Variants in GJB5 observed in about 807,000 individuals in gnomAD.
GJB5 encodes the protein gap junction protein beta 5.
For missense variants in GJB5, 333 were observed against 357.9 expected, an observed-to-expected ratio of 0.93 and a Z score of 0.56; for synonymous variants, 146 against 145.5, an observed-to-expected ratio of 1.00 and a Z score of -0.02.
rs199724435 is a variant in GJB5 at position 34,757,622 on chromosome 1, C to T, written c.292C>T (p.Arg98Trp). 280 of 1,613,936 alleles carry T rather than the reference C, an allele frequency of 1.7e-4. No homozygotes were observed. The highest frequency in any genetic ancestry group is 2.3e-4 in the Non-Finnish European group (266 of 1,180,038). ...GCTCGTGGTCATGCACGTGGCCTAC[C>T]GGGAGGTTCAGGAGAAGAGGCACCG... is the stretch of plus-strand genomic sequence containing the variant. ...SLLVVMHVAY[R>W]EVQEKRHREA... The change falls in exon 2 of 2, where the codon CGG becomes TGG. Residue 98 changes from arginine to tryptophan, a missense_variant. Transcript: ENST00000338513.
At chr1:34,755,754 G>A (rs116472011) in intron 1 of GJB5, among the ~76,000 whole-genome samples, 19 of 152,178 alleles carry the variant, frequency 1.2e-4, no homozygotes, top group African/African-American at 4.3e-4. Context: ...CTTGAGGAAA[G>A]GGTCTGAGGC....
Position 34,757,990 on chromosome 1 carries a change from G to A in GJB5, c.660G>A (p.Arg220=), listed in dbSNP as rs777277359. The change falls in exon 2 of 2, where the codon AGG becomes AGA. Residue 220 remains arginine, a synonymous_variant. Coordinates refer to ENST00000338513, the MANE Select transcript of GJB5 (RefSeq NM_005268.4). ...GATGCCACGAGTGCCTGGCAGCAAG[G>A]AAAGCTCAAGCCATGTGCACAGGTC... The part of the protein sequence containing the change: ...SKRCHECLAA[R]KAQAMCTGHH... 2.5e-6 allele frequency: 4 copies of A among 1,613,880 alleles called. No homozygotes were observed. Among genetic ancestry groups the A allele is most frequent in the Admixed American group, 3.3e-5 (2 of 59,990 alleles).
Position 34,757,837 on chromosome 1 carries a change from T to C in GJB5, c.507T>C (p.Cys169=), listed in dbSNP as rs1639624073. 6.2e-7 allele frequency: 1 copy of C among 1,613,830 alleles called. No homozygotes were observed. Among genetic ancestry groups the C allele is most frequent in the Non-Finnish European group, 8.5e-7 (1 of 1,180,008 alleles). Residue 169 remains cysteine, a synonymous_variant, in exon 2 of 2, where the codon TGT becomes TGC. Transcript: ENST00000338513. The stretch of plus-strand genomic sequence containing the variant: ...TGGTCAAGTGCCACGCAGATCCATG[T>C]CCCAATATAGTGGACTGCTTCATCT... The part of the protein sequence containing the change: ...PPVVKCHADP[C]PNIVDCFISK...
In GJB5 at chr1:34,758,167, T is replaced by G. The variant is rs758503859; in HGVS notation, c.*15T>G. 11 of 1,599,470 alleles carry G rather than the reference T, an allele frequency of 6.9e-6. No individual in the cohort carries two copies. Among genetic ancestry groups the G allele is most frequent in the Non-Finnish European group, 9.4e-6 (11 of 1,168,078 alleles). On this transcript the variant is annotated 3_prime_UTR_variant, in exon 2 of 2. Transcript: ENST00000338513. ...CCATCTTGTGAGGGGCTGCCTGGAC[T>G]GGTCTGGCAGGTTGGGCCTGGATGG...
In GJB5 at chr1:34,758,029, T is replaced by C; in HGVS notation, c.699T>C (p.Gly233=). 6.2e-7 allele frequency: 1 copy of C among 1,613,884 alleles called. No individual in the cohort carries two copies. Among genetic ancestry groups the C allele is most frequent in the Non-Finnish European group, 8.5e-7 (1 of 1,179,960 alleles). ...TGTGCACAGGTCATCACCCCCACGG[T>C]ACCACCTCTTCCTGCAAACAAGACG... ...QAMCTGHHPH[G]TTSSCKQDDL... The change falls in exon 2 of 2, where the codon GGT becomes GGC. Residue 233 remains glycine (G), a synonymous_variant. Transcript: ENST00000338513.
At chr1:34,757,000 G>A (rs1165901924) in intron 1 of GJB5, among the ~76,000 whole-genome samples, 1 of 152,190 alleles carries the variant, frequency 6.6e-6, no homozygotes, top group African/African-American at 2.4e-5. Context: ...AGAACCTCAA[G>A]ACCAGAGCCT....
chr1:34,756,311 T>C (rs149177234), intron 1 of GJB5, among the ~76,000 whole-genome samples: 11 of 152,282 alleles, frequency 7.2e-5, no homozygotes, highest in African/African-American at 2.6e-4. Context: ...TGTGAGTTCA[T>C]CAGGCCAAAT....
In GJB5 at chr1:34,757,641, G is replaced by T; in HGVS notation, c.311G>T (p.Arg104Met). The T allele has an allele frequency of 6.2e-7, 1 of 1,614,108 alleles. No homozygotes were observed. Among genetic ancestry groups the T allele is most frequent in the Non-Finnish European group, 8.5e-7 (1 of 1,180,034 alleles). The stretch of plus-strand genomic sequence containing the variant: ...GCCTACCGGGAGGTTCAGGAGAAGA[G>T]GCACCGAGAAGCCCATGGGGAGAAC... ...HVAYREVQEK[R>M]HREAHGENSG... The change falls in exon 2 of 2, where the codon AGG becomes ATG. Residue 104 changes from arginine to methionine, a missense_variant. Coordinates refer to ENST00000338513, the MANE Select transcript of GJB5 (RefSeq NM_005268.4).
At position 34,758,053 on chromosome 1, in the gene GJB5, C is replaced by A; in HGVS notation, c.723C>A (p.Asp241Glu). ...GTACCACCTCTTCCTGCAAACAAGA[C>A]GACCTCCTTTCGGGTGACCTCATCT... is the stretch of plus-strand genomic sequence containing the variant. ...PHGTTSSCKQ[D>E]DLLSGDLIFL... is the part of the protein sequence containing the mutation. The change falls in exon 2 of 2, where the codon GAC becomes GAA. Residue 241 changes from aspartate to glutamate, a missense_variant. Asp to Glu is a conservative substitution (Grantham distance 45, BLOSUM62 2). Transcript: ENST00000338513. 2 of 1,614,018 alleles carry A rather than the reference C, an allele frequency of 1.2e-6. No individual in the cohort carries two copies. Among genetic ancestry groups the A allele is most frequent in the Non-Finnish European group, 1.7e-6 (2 of 1,180,018 alleles).
chr1:34,757,326 C>T lies in GJB5; in HGVS notation c.-5C>T, dbSNP rs780731536. On this transcript the variant is annotated 5_prime_UTR_variant, in exon 2 of 2. Transcript: ENST00000338513. ...CTGCAGTAGCAGCTGACGCGTGGGT[C>T]CACCATGAACTGGAGTATCTTTGAG... is the stretch of plus-strand genomic sequence containing the variant. 17 of 1,598,382 alleles carry T rather than the reference C, an allele frequency of 1.1e-5. No individual in the cohort carries two copies. The highest frequency in any genetic ancestry group is 1.4e-5 in the Non-Finnish European group (16 of 1,166,520).
chr1:34,757,254 T>C, intron 1 of GJB5, 53 bp from the exon 2 acceptor site: 3 of 1,008,370 alleles, frequency 3.0e-6, no homozygotes, highest in Non-Finnish European at 4.5e-6. Context: ...TACAAAGTGC[T>C]CAGAGCAAGT....
intron 1 of GJB5, 116 bp from the exon 2 acceptor site, chr1:34,757,191 G>A: frequency 1.5e-6 from 1 of 647,010 alleles, no homozygotes; most frequent in East Asian, 2.7e-5. Flanking sequence ...GGGGACAGTA[G>A]TAGAACCCAG....
Position 34,758,155 on chromosome 1 carries a change from G to T in GJB5, c.*3G>T. The stretch of plus-strand genomic sequence containing the variant: ...ATGTGAAGAAAACCATCTTGTGAGG[G>T]GCTGCCTGGACTGGTCTGGCAGGTT... On this transcript the variant is annotated 3_prime_UTR_variant, in exon 2 of 2. Coordinates refer to ENST00000338513, the MANE Select transcript of GJB5 (RefSeq NM_005268.4). The T allele has an allele frequency of 6.2e-7, 1 of 1,611,798 alleles. No homozygotes were observed. Among genetic ancestry groups the T allele is most frequent in the Non-Finnish European group, 8.5e-7 (1 of 1,178,294 alleles).
Position 34,757,515 on chromosome 1 carries a change from A to G in GJB5, c.185A>G (p.Asn62Ser). 1.2e-6 allele frequency: 2 copies of G among 1,614,050 alleles called. No individual in the cohort carries two copies. The highest frequency in any genetic ancestry group is 1.7e-6 in the Non-Finnish European group (2 of 1,180,000). ...DCNTRQPGCS[N>S]VCFDEFFPVS... ...AATACTCGCCAGCCCGGCTGCTCCA[A>G]CGTCTGCTTTGATGAGTTCTTCCCT... Residue 62 changes from asparagine to serine, a missense_variant, in exon 2 of 2, where the codon AAC becomes AGC. Asn to Ser is a conservative substitution (Grantham distance 46). Coordinates refer to ENST00000338513, the MANE Select transcript of GJB5 (RefSeq NM_005268.4).
At position 34,757,432 on chromosome 1, in the gene GJB5, G is replaced by A. The variant is rs778302662; in HGVS notation, c.102G>A (p.Leu34=). ...CTCTGGTCTTCATCTTCCGCGTGCTGGTGTACCTGGTGACGGCCGAGCGTG... is the reference window on the plus strand; with the variant it reads ...CTCTGGTCTTCATCTTCCGCGTGCTAGTGTACCTGGTGACGGCCGAGCGTG... The part of the protein sequence containing the change: ...WLSLVFIFRV[L]VYLVTAERVW... Residue 34 remains leucine (L), a synonymous_variant, in exon 2 of 2, where the codon CTG becomes CTA. Transcript: ENST00000338513. 1.9e-6 allele frequency: 3 copies of A among 1,614,062 alleles called. No individual in the cohort carries two copies. In the African/African-American group the frequency reaches 4.0e-5, roughly 22 times the overall value.
rs113549987 is a variant in GJB5 at position 34,756,675 on chromosome 1, A to G, written c.-24-632A>G. Among the ~76,000 whole-genome samples the G allele has an allele frequency of 4.0e-3, 614 of 152,238 alleles. 1 individual carries two copies. The highest frequency in any genetic ancestry group is 0.014 in the African/African-American group (588 of 41,548). On this transcript the variant is annotated intron_variant, in intron 1 of 1. Transcript: ENST00000338513. The stretch of plus-strand genomic sequence containing the variant: ...CTAGGAAACCTACTGTATGAAGAGA[A>G]TTTATTGCTGCCTGCTTTAGCTTTC...
rs1557650516 is a variant in GJB5, at chr1:34,757,923, T to A, written c.593T>A (p.Ile198Asn). Residue 198 changes from isoleucine to asparagine, a missense_variant, in exon 2 of 2, where the codon ATC becomes AAC. Coordinates refer to ENST00000338513, the MANE Select transcript of GJB5 (RefSeq NM_005268.4). ...ATGGTGGCCACAGCTGCCATCTGCATCCTGCTCAACCTCGTGGAGCTCATC... is the reference window on the plus strand; with the variant it reads ...ATGGTGGCCACAGCTGCCATCTGCAACCTGCTCAACCTCGTGGAGCTCATC... ...LFMVATAAIC[I>N]LLNLVELIYL... 1.9e-6 allele frequency: 3 copies of A among 1,614,026 alleles called. 1 individual carries two copies. The highest frequency in any genetic ancestry group is 3.3e-4 in the Middle Eastern group (2 of 6,062).
rs142197876 is a variant in GJB5, at chr1:34,758,156, G to A, written c.*4G>A. 1.6e-5 allele frequency: 26 copies of A among 1,611,262 alleles called. No individual in the cohort carries two copies. In the East Asian group the frequency reaches 5.8e-4, roughly 36 times the overall value. ...TGTGAAGAAAACCATCTTGTGAGGG[G>A]CTGCCTGGACTGGTCTGGCAGGTTG... On this transcript the variant is annotated 3_prime_UTR_variant, in exon 2 of 2. Coordinates refer to ENST00000338513, the MANE Select transcript of GJB5 (RefSeq NM_005268.4).
intron 1 of GJB5, among the ~76,000 whole-genome samples, chr1:34,755,910 T>A (rs1639573578): frequency 6.6e-6 from 1 of 152,192 alleles, no homozygotes; most frequent in South Asian, 2.1e-4. Context: ...AAATTGGGAA[T>A]AAAAAATATG....
Sources: allele counts gnomAD v4.1 joint callset (sites outside exome capture counted in the v4.1 genomes callset), GRCh38; gene constraint gnomAD v4.1.1; transcripts MANE v1.5; gene names NCBI Gene and HGNC (gene_info 2026-07-23, HGNC 2026-07-21).